XCR1: variants seen among roughly 807,000 people sequenced by gnomAD.
The protein encoded by XCR1 is chemokine XC receptor 1.
For synonymous variants in XCR1, 187 were observed against 188.5 expected (o/e 0.99, Z 0.06); for missense variants, 356 against 424.2 (o/e 0.84, Z 1.41).
intron 3 of XCR1, among the ~76,000 whole-genome samples, chr3:46,070,564 T>A (rs559192305): frequency 2.0e-5 from 3 of 152,184 alleles, no homozygotes; most frequent in Admixed American, 2.0e-4. Flanking sequence ...TAAGGTGTGT[T>A]TTATCTGATA....
intron 1 of XCR1, among the ~76,000 whole-genome samples, chr3:46,079,536 C>T (rs1698320040): frequency 6.6e-6 from 1 of 152,070 alleles, no homozygotes; most frequent in South Asian, 2.1e-4. Context: ...ACCCCTGCAC[C>T]TTTATATCCT....
chr3:46,051,496 A>T (rs1465569273), intron 5 of XCR1, among the ~76,000 whole-genome samples: 1 of 152,226 alleles, frequency 6.6e-6, no homozygotes, highest in Non-Finnish European at 1.5e-5. Context: ...TATTACTGAC[A>T]CATCAGCTCC....
At chr3:46,050,080 C>T (rs1173410363) in intron 5 of XCR1, among the ~76,000 whole-genome samples, 1 of 152,204 alleles carries the variant, frequency 6.6e-6, no homozygotes, top group Non-Finnish European at 1.5e-5. Context: ...CTGTTACAGA[C>T]TTGTCTATGA....
intron 5 of XCR1, among the ~76,000 whole-genome samples, chr3:46,050,877 A>T (rs1394162156): frequency 6.6e-6 from 1 of 152,220 alleles, no homozygotes; most frequent in Non-Finnish European, 1.5e-5. Context: ...TAATTTGTGC[A>T]TTAATAGCTC....
intron 1 of XCR1, among the ~76,000 whole-genome samples, chr3:46,025,898 G>T (rs540833805): frequency 6.6e-6 from 1 of 152,222 alleles, no homozygotes; most frequent in East Asian, 1.9e-4. Context: ...AATATTCCTC[G>T]TGAACATAGA....
chr3:46,068,918 C>G (rs1217661750), intron 3 of XCR1, among the ~76,000 whole-genome samples: 1 of 152,060 alleles, frequency 6.6e-6, no homozygotes, highest in Non-Finnish European at 1.5e-5. Flanking sequence ...CTGAAAAGAA[C>G]AGTATAGTAA....
rs1708160123 is a variant in XCR1, at chr3:46,021,825, C to T, written c.123G>A (p.Val41=). 1.9e-6 allele frequency: 3 copies of T among 1,614,048 alleles called. No individual in the cohort carries two copies. Among genetic ancestry groups the T allele is most frequent in the Non-Finnish European group, 2.5e-6 (3 of 1,179,998 alleles). ...TGTTGCCCACTAGGCTGAGGAGAAA[C>T]ACCAGGCAGTATAGGACAGTGGTGG... is the stretch of plus-strand genomic sequence containing the variant. ...TLATTVLYCL[V]FLLSLVGNSL... Residue 41 remains valine, a synonymous_variant, in exon 2 of 2, where the codon GTG becomes GTA. Transcript: ENST00000309285. This position sits in a 1 kb window ranked among gnomAD's most constrained non-coding sequence, Gnocchi z 4.7.
rs71327006 is a variant in XCR1 at position 46,017,416 on chromosome 3, G to A, written c.*3530C>T. 13,721 of 152,260 alleles carry A rather than the reference G, an allele frequency of 0.09. 1,006 individuals are homozygous for A. Among genetic ancestry groups the A allele is most frequent in the South Asian group, 0.34 (1,649 of 4,822 alleles). The allele number at this position is 152,260 out of a possible 1,614,324, so 9.4% of individuals were successfully genotyped here. A position where few individuals can be genotyped will look rare whatever the true frequency, so the allele number is the denominator to read the frequency against. On this transcript the variant is annotated 3_prime_UTR_variant, in exon 2 of 2. Transcript: ENST00000309285. ...AAACAAAAAAGATGATGTTTAGGCC[G>A]GTGGGCCCCAGACAAGTTCACAAGA...
At chr3:46,024,725 T>C (rs1249704003) in intron 1 of XCR1, among the ~76,000 whole-genome samples, 1 of 152,216 alleles carries the variant, frequency 6.6e-6, no homozygotes, top group Non-Finnish European at 1.5e-5. Context: ...TTATGCTTTT[T>C]TAAACAAATT....
At chr3:46,074,221 T>C (rs1698214043) in intron 3 of XCR1, among the ~76,000 whole-genome samples, 1 of 111,460 alleles carries the variant, frequency 9.0e-6, no homozygotes, top group Non-Finnish European at 1.8e-5. Flanking sequence ...CATCTTTTTT[T>C]TTTTTTTTTT....
chr3:46,024,579 G>A (rs143976358), intron 1 of XCR1, among the ~76,000 whole-genome samples: 1 of 152,036 alleles, frequency 6.6e-6, no homozygotes, highest in Admixed American at 6.5e-5. Context: ...TGGCCCGAGG[G>A]GCTGCCTTGT....
At position 46,023,800 on chromosome 3, in the gene XCR1, G is replaced by C. The variant is rs1315835808; in HGVS notation, c.-31-1822C>G. On this transcript the variant is annotated intron_variant, in intron 1 of 1. Transcript: ENST00000309285. Reference sequence around the variant, plus strand: ...CCCAGAAGATGATAAAACAATTATAGAGGAATAGGCAACCAAAATTGCAGA... The same window carrying C: ...CCCAGAAGATGATAAAACAATTATACAGGAATAGGCAACCAAAATTGCAGA... 25 of 1,540,068 alleles carry C rather than the reference G, an allele frequency of 1.6e-5. No homozygotes were observed. The East Asian group carries it at 4.5e-4, about 28-fold the overall frequency.
intron 3 of XCR1, among the ~76,000 whole-genome samples, chr3:46,072,922 C>CAT (rs1248053934): frequency 6.6e-6 from 1 of 152,040 alleles, no homozygotes; most frequent in Admixed American, 6.6e-5. Flanking sequence ...TAAAGGTAGA[C>CAT]ATATAGATCA....
chr3:46,038,882 G>A (rs1697482921), intron 5 of XCR1, among the ~76,000 whole-genome samples: 2 of 151,942 alleles, frequency 1.3e-5, no homozygotes, highest in Non-Finnish European at 2.9e-5. Flanking sequence ...TAAACTTAAT[G>A]CTAAGGAAAG....
chr3:46,021,869 A>C lies in XCR1; in HGVS notation c.79T>G (p.Trp27Gly), dbSNP rs980168824. 4.3e-6 allele frequency: 7 copies of C among 1,614,010 alleles called. No homozygotes were observed. The highest frequency in any genetic ancestry group is 1.3e-5 in the African/African-American group (1 of 74,892). ...GTGGTGGCGAGGGTAGCAAAGACCC[A>C]GGCCTGGTTCTCACACGGCTGGCTC... ...LQSQPCENQA[W>G]VFATLATTVL... The change falls in exon 2 of 2, where the codon TGG (tryptophan) becomes GGG (glycine). Residue 27 changes from tryptophan to glycine, a missense_variant. Transcript: ENST00000309285. This position sits in a 1 kb window ranked among gnomAD's most constrained non-coding sequence, Gnocchi z 4.7.
At chr3:46,066,184 G>GCCTT (rs373509536) in intron 4 of XCR1, among the ~76,000 whole-genome samples, 198 of 151,232 alleles carry the variant, frequency 1.3e-3, no homozygotes, top group African/African-American at 4.6e-3. Context: ...GGCACAGCCT[G>GCCTT]CCTTCCTTCC....
rs1708075741 is a variant in XCR1 at position 46,018,009 on chromosome 3, C to A, written c.*2937G>T. ...GTGTCATCTGCCACTCCCTCTCTGA[C>A]TGGGTTACCCTTCTATCTTCCTATT... is the stretch of plus-strand genomic sequence containing the variant. On this transcript the variant is annotated 3_prime_UTR_variant, in exon 2 of 2. Transcript: ENST00000309285. The A allele has an allele frequency of 6.6e-6, 1 of 152,296 alleles. No homozygotes were observed. Among genetic ancestry groups the A allele is most frequent in the South Asian group, 2.1e-4 (1 of 4,834 alleles). The allele number at this position is 152,296 out of a possible 1,614,324, so 9.4% of individuals were successfully genotyped here.
chr3:46,025,049 GAA>G (rs2125894084), intron 1 of XCR1, among the ~76,000 whole-genome samples: 1 of 152,260 alleles, frequency 6.6e-6, no homozygotes, highest in African/African-American at 2.4e-5. Context: ...TACTTGGAGA[GAA>G]ATTTATAGCT....
At chr3:46,025,397 C>T (rs1708266511) in intron 1 of XCR1, among the ~76,000 whole-genome samples, 1 of 151,832 alleles carries the variant, frequency 6.6e-6, no homozygotes, top group Non-Finnish European at 1.5e-5. Flanking sequence ...GAGCAAGACC[C>T]TGTCTCAAAA....
Sources: gnomAD v4.1 joint callset for allele counts (sites outside exome capture counted in the v4.1 genomes callset) on GRCh38, gnomAD v4.1.1 for gene constraint, Gnocchi (gnomAD v3.1) non-coding constraint, MANE v1.5 for transcripts, NCBI Gene and HGNC (gene_info 2026-07-23, HGNC 2026-07-21) for gene names.